The following TSHZ2 variants were observed in gnomAD, a reference collection of about 807,000 sequenced individuals.
TSHZ2 encodes teashirt zinc finger homeobox 2, also known as teashirt homolog 2.
In TSHZ2, 21 loss-of-function variants were observed where a neutral mutation model predicts 74.4. The observed-to-expected ratio is 0.28, with a 90% CI of 0.20 to 0.41. The LOEUF is 0.41. Ranked by LOEUF, TSHZ2 falls within the 10% of genes least tolerant of loss-of-function variation. The pLI is 1.00. For missense variants in TSHZ2, 1,244 were observed against 1,293.5 expected (o/e 0.96, Z 0.59); for synonymous variants, 540 against 515.3 (o/e 1.05, Z -0.65).
chr20:52,983,979 T>C (rs1981662043), intron 1 of TSHZ2, among the ~76,000 whole-genome samples: 2 of 152,258 alleles, frequency 1.3e-5, no homozygotes, highest in Non-Finnish European at 2.9e-5. Flanking sequence ...CTAATGGGAA[T>C]AGGCTACGGG....
intron 1 of TSHZ2, among the ~76,000 whole-genome samples, chr20:53,175,063 A>T (rs6013644): frequency 0.31 from 45,673 of 148,152 alleles, 8,055 homozygotes; most frequent in African/African-American, 0.48. Context: ...GGGCAGCAAG[A>T]GGATGATTCC....
At chr20:53,169,125 G>T (rs1988129334) in intron 1 of TSHZ2, among the ~76,000 whole-genome samples, 1 of 152,182 alleles carries the variant, frequency 6.6e-6, no homozygotes, top group African/African-American at 2.4e-5. Context: ...CCAGGTAAGT[G>T]GGATGGATAG....
At chr20:53,391,528 C>T (rs1982259507) in intron 2 of TSHZ2, among the ~76,000 whole-genome samples, 1 of 151,504 alleles carries the variant, frequency 6.6e-6, no homozygotes, top group African/African-American at 2.4e-5. Context: ...AACTCTGGGG[C>T]TCAAACAATC....
chr20:53,371,176 C>A (rs1043645509), intron 2 of TSHZ2, among the ~76,000 whole-genome samples: 2 of 152,166 alleles, frequency 1.3e-5, no homozygotes, highest in African/African-American at 4.8e-5. Flanking sequence ...CAAATAAGGT[C>A]CCATTCACAG....
At chr20:53,321,558 C>A (rs930772533) in intron 2 of TSHZ2, among the ~76,000 whole-genome samples, 2 of 151,840 alleles carry the variant, frequency 1.3e-5, no homozygotes, top group Non-Finnish European at 2.9e-5. Context: ...GTGGCACATG[C>A]CTGTAATCCC....
At chr20:53,113,583 C>G (rs1009245635) in intron 1 of TSHZ2, among the ~76,000 whole-genome samples, 2 of 152,106 alleles carry the variant, frequency 1.3e-5, no homozygotes, top group African/African-American at 4.8e-5. Flanking sequence ...GTAAATAGAA[C>G]TGTTTAGAAG....
At chr20:53,406,875 C>T (rs1402453705) in intron 2 of TSHZ2, among the ~76,000 whole-genome samples, 2 of 152,148 alleles carry the variant, frequency 1.3e-5, no homozygotes, top group African/African-American at 4.8e-5. Flanking sequence ...CTGCATAGTC[C>T]TGAATGAGGT....
chr20:53,383,012 A>AC (rs1271954197), intron 2 of TSHZ2, among the ~76,000 whole-genome samples: 2 of 152,128 alleles, frequency 1.3e-5, no homozygotes, highest in South Asian at 4.2e-4. Flanking sequence ...TGTAATCCTA[A>AC]CACTTTGGGA....
chr20:53,242,741 T>C (rs944155300), intron 1 of TSHZ2, among the ~76,000 whole-genome samples: 1 of 152,186 alleles, frequency 6.6e-6, no homozygotes, highest in Non-Finnish European at 1.5e-5. Context: ...TTGGGACCAG[T>C]GAGTAAAATC....
At chr20:53,151,408 A>C (rs1317854077) in intron 1 of TSHZ2, among the ~76,000 whole-genome samples, 2 of 152,184 alleles carry the variant, frequency 1.3e-5, no homozygotes, top group Non-Finnish European at 2.9e-5. Flanking sequence ...TATTTATACA[A>C]ATCTACAAAT....
chr20:52,989,403 G>A (rs1050481687), intron 1 of TSHZ2, among the ~76,000 whole-genome samples: 4 of 151,874 alleles, frequency 2.6e-5, no homozygotes, highest in Non-Finnish European at 5.9e-5. Context: ...AGTATTGGAT[G>A]GGAAGTCAGT....
intron 1 of TSHZ2, among the ~76,000 whole-genome samples, chr20:52,997,879 C>T (rs1982265139): frequency 1.3e-5 from 2 of 152,198 alleles, no homozygotes; most frequent in Admixed American, 6.5e-5. Flanking sequence ...TTAGGATAAA[C>T]AGATGGCCTT....
At chr20:53,400,932 A>G (rs887588093) in intron 2 of TSHZ2, among the ~76,000 whole-genome samples, 2 of 152,198 alleles carry the variant, frequency 1.3e-5, no homozygotes, top group African/African-American at 4.8e-5. Context: ...TCTAACAAAC[A>G]TCTCTCATGT....
chr20:53,090,638 C>T (rs1985855930), intron 1 of TSHZ2, among the ~76,000 whole-genome samples: 1 of 152,208 alleles, frequency 6.6e-6, no homozygotes, highest in Non-Finnish European at 1.5e-5. Context: ...CTGACAGCAG[C>T]TTGCTTGCAA....
chr20:53,285,933 A>G (rs1246454552), intron 2 of TSHZ2, among the ~76,000 whole-genome samples: 2 of 152,230 alleles, frequency 1.3e-5, no homozygotes, highest in Admixed American at 6.5e-5. Context: ...TAGGACAGAA[A>G]TGATTCCTAC....
At chr20:53,447,159 T>C (rs61364384) in intron 2 of TSHZ2, among the ~76,000 whole-genome samples, 1 of 152,286 alleles carries the variant, frequency 6.6e-6, no homozygotes, top group African/African-American at 2.4e-5. Context: ...TAGATGCCAA[T>C]CTCCTCTTCT....
At chr20:53,015,898 C>T (rs1403954770) in intron 1 of TSHZ2, among the ~76,000 whole-genome samples, 3 of 152,042 alleles carry the variant, frequency 2.0e-5, no homozygotes, top group African/African-American at 4.8e-5. Flanking sequence ...AAGGGCAGCA[C>T]CTATCTGTGT....
chr20:53,028,966 T>C, intron 1 of TSHZ2, among the ~76,000 whole-genome samples: 1 of 152,186 alleles, frequency 6.6e-6, no homozygotes, highest in East Asian at 1.9e-4. Flanking sequence ...TGTTGCTAGA[T>C]CTCTCAATTT....
intron 1 of TSHZ2, among the ~76,000 whole-genome samples, chr20:52,995,807 A>G (rs1345732982): frequency 1.3e-5 from 2 of 150,028 alleles, no homozygotes; most frequent in African/African-American, 2.5e-5. Context: ...TTTTTAGTAG[A>G]GACAGGGTTT....
Sources: allele counts gnomAD v4.1 joint callset (sites outside exome capture counted in the v4.1 genomes callset), GRCh38; gene constraint gnomAD v4.1.1; transcripts MANE v1.5; gene names NCBI Gene and HGNC (gene_info 2026-07-23, HGNC 2026-07-21).